The following CYRIB variants were observed in gnomAD, a reference collection of about 807,000 sequenced individuals.
CYRIB encodes the protein CYFIP related Rac1 interactor B.
In CYRIB, 8 loss-of-function variants were observed where a neutral mutation model predicts 44.2. The observed-to-expected ratio is 0.18, with a 90% CI of 0.11 to 0.33. CYRIB has a LOEUF of 0.33. Ranked by LOEUF, CYRIB falls within the 10% of genes least tolerant of loss-of-function variation. The pLI is 1.00. For synonymous variants in CYRIB, 131 were observed against 127.2 expected (o/e 1.03, Z -0.20); for missense variants, 185 against 382.8 (o/e 0.48, Z 4.31).
At chr8:129,884,548 A>G (rs1423036742) in intron 2 of CYRIB, among the ~76,000 whole-genome samples, 7 of 152,188 alleles carry the variant, frequency 4.6e-5, no homozygotes, top group African/African-American at 1.4e-4. Flanking sequence ...TCAGCCTCCC[A>G]AAGTGCTAGG....
At chr8:129,911,557 T>C (rs2078025562) in intron 1 of CYRIB, among the ~76,000 whole-genome samples, 1 of 152,070 alleles carries the variant, frequency 6.6e-6, no homozygotes, top group Admixed American at 6.6e-5. Context: ...ATCCCAGCAC[T>C]TTGCGAGGCC....
chr8:129,871,280 T>A, intron 4 of CYRIB, 95 bp downstream of exon 6: 2 of 1,374,292 alleles, frequency 1.5e-6, no homozygotes, highest in Non-Finnish European at 2.0e-6. Flanking sequence ...ATACTTAATA[T>A]GAAATATAGA....
chr8:129,961,869 A>G lies in CYRIB; in HGVS notation c.-243+9074T>C, dbSNP rs182933828. 1.2e-3 allele frequency among the ~76,000 whole-genome samples: 179 copies of G among 152,360 alleles called. 1 individual carries two copies. Among genetic ancestry groups the G allele is most frequent in the Non-Finnish European group, 2.8e-4 (19 of 68,032 alleles). On this transcript the variant is annotated intron_variant, in intron 2 of 14. Coordinates refer to the CYRIB transcript ENST00000401979. Reference sequence around the variant, plus strand: ...ACCTAGACTGAATTCTGGCCTTGTCAGAGCCCAGGCCTATGACCTCGGGCA... The same window carrying G: ...ACCTAGACTGAATTCTGGCCTTGTCGGAGCCCAGGCCTATGACCTCGGGCA...
intron 1 of CYRIB, among the ~76,000 whole-genome samples, chr8:130,012,163 C>T (rs929215194): frequency 6.6e-6 from 1 of 151,862 alleles, no homozygotes; most frequent in Admixed American, 6.6e-5. Context: ...ACACGATGTT[C>T]AAGGAGCAGA....
At chr8:129,916,792 A>G (rs1209136510) in intron 1 of CYRIB, among the ~76,000 whole-genome samples, 1 of 152,226 alleles carries the variant, frequency 6.6e-6, no homozygotes. Flanking sequence ...TTGTTTCTCA[A>G]GTCTTTTGTA....
intron 2 of CYRIB, among the ~76,000 whole-genome samples, chr8:129,887,852 TACCCTC>T (rs1182155071): frequency 6.6e-6 from 1 of 152,236 alleles, no homozygotes; most frequent in East Asian, 1.9e-4. Context: ...ACAATGCCTG[TACCCTC>T]ATTGTATCTT....
intron 1 of CYRIB, among the ~76,000 whole-genome samples, chr8:130,001,802 C>A (rs1332432527): frequency 6.6e-6 from 1 of 152,066 alleles, no homozygotes; most frequent in East Asian, 1.9e-4. Context: ...TCTATAGGAC[C>A]TGAAGATGGG....
Position 129,889,530 on chromosome 8 carries a change from G to A in CYRIB, c.-10-10059C>T, listed in dbSNP as rs900419273. Among the ~76,000 whole-genome samples the A allele has an allele frequency of 3.9e-5, 6 of 152,152 alleles. No individual in the cohort carries two copies. The East Asian group carries it at 5.8e-4, about 15-fold the overall frequency. On this transcript the variant is annotated intron_variant, in intron 2 of 11. Transcript: ENST00000519824. ...GAAAGGATTCACCATTCTGGATACC[G>A]TTAAGAACCTTTGTGATTCATGGGA...
chr8:129,912,867 T>A (rs1329989668), intron 1 of CYRIB, among the ~76,000 whole-genome samples: 1 of 152,164 alleles, frequency 6.6e-6, no homozygotes, highest in Admixed American at 6.5e-5. Flanking sequence ...AACAAGTGTG[T>A]TCTCTACTGC....
At chr8:129,899,548 A>C (rs1343480191) in intron 2 of CYRIB, among the ~76,000 whole-genome samples, 1 of 152,240 alleles carries the variant, frequency 6.6e-6, no homozygotes, top group Non-Finnish European at 1.5e-5. Flanking sequence ...TATATAAAGC[A>C]AAGTTCAAAT....
intron 1 of CYRIB, among the ~76,000 whole-genome samples, chr8:129,984,134 G>A (rs577610012): frequency 8.5e-4 from 130 of 152,362 alleles, no homozygotes; most frequent in African/African-American, 3.0e-3. Flanking sequence ...CCACCAGCAG[G>A]GAGAAGCACT....
At chr8:129,916,306 T>A (rs555492548) in intron 1 of CYRIB, among the ~76,000 whole-genome samples, 1 of 152,308 alleles carries the variant, frequency 6.6e-6, no homozygotes, top group African/African-American at 2.4e-5. Flanking sequence ...GTTAACCTAC[T>A]TCTGTAGTTC....
intron 1 of CYRIB, among the ~76,000 whole-genome samples, chr8:129,930,270 A>G (rs1012920933): frequency 6.7e-6 from 1 of 148,972 alleles, no homozygotes; most frequent in African/African-American, 2.5e-5. Flanking sequence ...AGACCCTAAC[A>G]AGATCCTAGA....
At chr8:129,942,011 G>A (rs537931513), upstream of CYRIB, among the ~76,000 whole-genome samples, 1 of 152,272 alleles carries the variant, frequency 6.6e-6, no homozygotes, top group African/African-American at 2.4e-5. Context: ...GGAGCTTACA[G>A]TCCAGCAAAG....
At chr8:129,899,379 G>A (rs1025869795) in intron 2 of CYRIB, among the ~76,000 whole-genome samples, 1 of 152,094 alleles carries the variant, frequency 6.6e-6, no homozygotes, top group Non-Finnish European at 1.5e-5. Flanking sequence ...AGAAACCTAT[G>A]TTTTCTTAAT....
At chr8:129,917,320 C>T (rs1218571692) in intron 1 of CYRIB, among the ~76,000 whole-genome samples, 1 of 152,192 alleles carries the variant, frequency 6.6e-6, no homozygotes, top group African/African-American at 2.4e-5. Context: ...TCTACTCACA[C>T]AACCACTGAA....
In CYRIB at chr8:129,969,063, G is replaced by A. The variant is rs368519264; in HGVS notation, c.-243+1880C>T. ...GATTCTTGCTCTGTCGCCCAGGCTA[G>A]AGTGCAGTGGCTTAATCTCTGCTCA... is the stretch of plus-strand genomic sequence containing the variant. On this transcript the variant is annotated intron_variant, in intron 2 of 14. Coordinates refer to the CYRIB transcript ENST00000401979. 9.7e-5 allele frequency among the ~76,000 whole-genome samples: 12 copies of A among 123,726 alleles called. 1 individual carries two copies. In the East Asian group the frequency reaches 1.3e-3, roughly 13 times the overall value. 81.2% of individuals were successfully genotyped at this position (123,726 alleles called of 152,430 possible).
intron 1 of CYRIB, among the ~76,000 whole-genome samples, chr8:129,972,938 T>C (rs886502543): frequency 6.6e-6 from 1 of 152,226 alleles, no homozygotes; most frequent in African/African-American, 2.4e-5. Flanking sequence ...TTCAGCCTCA[T>C]AGCATGTGTC....
At chr8:129,933,652 C>G (rs2092184437) in intron 1 of CYRIB, among the ~76,000 whole-genome samples, 2 of 152,066 alleles carry the variant, frequency 1.3e-5, no homozygotes, top group Non-Finnish European at 1.5e-5. Context: ...CCGAGGCGGG[C>G]TGATCACTTG....
Sources: gnomAD v4.1 joint callset for allele counts (sites outside exome capture counted in the v4.1 genomes callset) on GRCh38, gnomAD v4.1.1 for gene constraint, MANE v1.5 for transcripts, NCBI Gene and HGNC (gene_info 2026-07-23, HGNC 2026-07-21) for gene names.